AKAP8: variants seen among roughly 807,000 people sequenced by gnomAD.
The protein encoded by AKAP8 is A-kinase anchoring protein 8, also known as A-kinase anchor protein 8.
A neutral mutation model predicts 67.5 loss-of-function variants in AKAP8; 24 were observed. That is an observed-to-expected ratio of 0.36 (90% CI 0.26 to 0.50). The LOEUF is 0.50. Ranked by LOEUF, AKAP8 falls within the 20% of genes least tolerant of loss-of-function variation. The pLI is 0.97. For synonymous variants in AKAP8, 400 were observed against 371.1 expected (o/e 1.08, Z -0.90); for missense variants, 971 against 955.9 (o/e 1.02, Z -0.21).
At chr19:15,376,076 C>A (rs534920661) in intron 2 of AKAP8, among the ~76,000 whole-genome samples, 2 of 152,064 alleles carry the variant, frequency 1.3e-5, no homozygotes, top group African/African-American at 4.8e-5. Context: ...ACTACAGGCA[C>A]GCACTGCCAC....
intron 9 of AKAP8, 78 bp from the exon 10 acceptor site, chr19:15,362,329 G>A (rs1045320270): frequency 1.2e-5 from 19 of 1,523,426 alleles, no homozygotes; most frequent in Admixed American, 7.2e-5. Context: ...TCACCTCTGA[G>A]GAGAGCTGAA....
chr19:15,357,391 T>C (rs945167474), intron 13 of AKAP8, among the ~76,000 whole-genome samples: 9 of 115,132 alleles, frequency 7.8e-5, no homozygotes, highest in African/African-American at 3.1e-4. Context: ...ATCGCACCAC[T>C]GCACTCCAGC....
Position 15,374,069 on chromosome 19 carries a change from TCA to T in AKAP8, c.92-6_92-5del. Reference sequence around the variant, plus strand: ...TAGTAATTGTAGTTTTCATAACCTGTCACAGGGGGAGGAGCCAAGTCAGACTT... The same window carrying T: ...TAGTAATTGTAGTTTTCATAACCTGTCAGGGGGAGGAGCCAAGTCAGACTT... On this transcript the variant is annotated splice_region_variant and splice_polypyrimidine_tract_variant and intron_variant, in intron 3 of 13. Transcript: ENST00000269701. 2 of 1,542,710 alleles carry T rather than the reference TCA, an allele frequency of 1.3e-6. No homozygotes were observed. The highest frequency in any genetic ancestry group is 1.7e-6 in the Non-Finnish European group (2 of 1,147,096).
At position 15,361,720 on chromosome 19, in the gene AKAP8, ACAACTCAC is replaced by A; in HGVS notation, c.1396+1_1396+8del. 6.2e-7 allele frequency: 1 copy of A among 1,607,114 alleles called. No homozygotes were observed. The highest frequency in any genetic ancestry group is 8.5e-7 in the Non-Finnish European group (1 of 1,173,588). On this transcript the variant is annotated splice_donor_variant and splice_donor_5th_base_variant and intron_variant, in intron 11 of 13. Coordinates refer to ENST00000269701, the MANE Select transcript of AKAP8 (RefSeq NM_005858.4). LOFTEE classifies it high-confidence loss of function. ...CCAGGAAAGCACTCATCCTGGGATG[ACAACTCAC>A]CTTTGAAAGGATCTGGTTTTGGTTT...
At chr19:15,371,101 G>C (rs1967149503) in intron 7 of AKAP8, among the ~76,000 whole-genome samples, 1 of 152,174 alleles carries the variant, frequency 6.6e-6, no homozygotes, top group African/African-American at 2.4e-5. Context: ...GTGAGACTCT[G>C]AAAACCTGAA....
At chr19:15,371,311 T>C (rs1410034743) in intron 7 of AKAP8, among the ~76,000 whole-genome samples, 5 of 151,960 alleles carry the variant, frequency 3.3e-5, no homozygotes, top group East Asian at 1.9e-4. Flanking sequence ...TGTGCCTTGT[T>C]GTGAGGATGG....
At chr19:15,379,489 C>G in intron 1 of AKAP8, 2 of 491,198 alleles carry the variant, frequency 4.1e-6, no homozygotes, top group South Asian at 6.9e-5. Context: ...CCGAGTCCCG[C>G]CCGCCTCCTC....
At chr19:15,368,658 G>A (rs995028739) in intron 8 of AKAP8, 1 of 985,148 alleles carries the variant, frequency 1.0e-6, no homozygotes, top group Non-Finnish European at 1.2e-6. Context: ...CTGCGATGGG[G>A]TCTTCTCCCA....
chr19:15,374,172 G>A (rs1342725122), intron 3 of AKAP8, 107 bp from the exon 4 acceptor site: 2 of 1,285,906 alleles, frequency 1.6e-6, no homozygotes, highest in East Asian at 2.4e-5. Context: ...GAAAACGGGT[G>A]TGGGACCCAG....
intron 2 of AKAP8, among the ~76,000 whole-genome samples, chr19:15,376,298 T>G (rs961983804): frequency 6.6e-6 from 1 of 152,094 alleles, no homozygotes; most frequent in African/African-American, 2.4e-5. Flanking sequence ...GGATTGATTA[T>G]GAGGTCAGGA....
At chr19:15,371,268 C>T (rs1000464943) in intron 7 of AKAP8, among the ~76,000 whole-genome samples, 7 of 152,024 alleles carry the variant, frequency 4.6e-5, no homozygotes, top group African/African-American at 1.7e-4. Flanking sequence ...TGGGGTGGTC[C>T]CGGCTATGAA....
chr19:15,369,019 A>C lies in AKAP8; in HGVS notation c.1073-697T>G, dbSNP rs762103964. 35 of 985,752 alleles carry C rather than the reference A, an allele frequency of 3.6e-5. No homozygotes were observed. The Admixed American group carries it at 4.3e-4, about 12-fold the overall frequency. The allele number at this position is 985,752 out of a possible 1,614,324, so 61.1% of individuals were successfully genotyped here. On this transcript the variant is annotated intron_variant, in intron 8 of 13. Transcript: ENST00000269701. This position sits in a 1 kb window ranked among gnomAD's most constrained non-coding sequence, Gnocchi z 4.6. ...CCATCATCCCAGCATGAGGCCAGGGACGGACGCTGAAAAAAGGTTGGAGAA... is the reference window on the plus strand; with the variant it reads ...CCATCATCCCAGCATGAGGCCAGGGCCGGACGCTGAAAAAAGGTTGGAGAA...
chr19:15,373,244 G>T lies in AKAP8; in HGVS notation c.468C>A (p.Phe156Leu), dbSNP rs773627639. ...YRPSYSYDYE[F>L]DLGSDRNGSF... ...TGCCATTGCGGTCGGACCCCAGGTC[G>T]AACTCATAGTCGTAGCTGTAGCTGG... Residue 156 changes from phenylalanine (F) to leucine (L), a missense_variant, in exon 5 of 14, where the codon TTC becomes TTA. Transcript: ENST00000269701. 13 of 1,613,892 alleles carry T rather than the reference G, an allele frequency of 8.1e-6. No homozygotes were observed. The Admixed American group carries it at 1.5e-4, about 19-fold the overall frequency.
intron 9 of AKAP8, among the ~76,000 whole-genome samples, chr19:15,367,258 A>ATG (rs1967085973): frequency 6.6e-6 from 1 of 152,094 alleles, no homozygotes; most frequent in Non-Finnish European, 1.5e-5. Context: ...GACTGGGCGC[A>ATG]GTGGCTCACG....
chr19:15,368,392 G>GT, intron 8 of AKAP8, 70 bp from the exon 9 acceptor site: 1 of 1,605,828 alleles, frequency 6.2e-7, no homozygotes, highest in Non-Finnish European at 8.5e-7. Flanking sequence ...GGGCCTGGTC[G>GT]GGGGGCTGCA....
chr19:15,360,719 C>T (rs1462630935), intron 12 of AKAP8, 129 bp downstream of exon 12: 16 of 1,190,736 alleles, frequency 1.3e-5, no homozygotes, highest in Admixed American at 3.1e-5. Context: ...TACGACCCAT[C>T]GATGGAAGTG....
chr19:15,375,761 G>A (rs1016246166), intron 2 of AKAP8, among the ~76,000 whole-genome samples: 12 of 151,054 alleles, frequency 7.9e-5, no homozygotes, highest in Admixed American at 1.3e-4. Context: ...CTCAGCCTCC[G>A]GAGTAGCTGG....
At chr19:15,374,727 A>T in intron 2 of AKAP8, 92 bp from the exon 3 acceptor site, 1 of 1,470,584 alleles carries the variant, frequency 6.8e-7, no homozygotes, top group Non-Finnish European at 9.4e-7. Flanking sequence ...CCACAGCCCC[A>T]GGGCCAGGGC....
intron 2 of AKAP8, among the ~76,000 whole-genome samples, chr19:15,376,224 A>G (rs1034073173): frequency 2.6e-5 from 4 of 152,128 alleles, no homozygotes; most frequent in African/African-American, 9.7e-5. Context: ...CCAGCTAATG[A>G]AAGATCTTAC....
Sources: allele counts gnomAD v4.1 joint callset (sites outside exome capture counted in the v4.1 genomes callset), GRCh38; gene constraint gnomAD v4.1.1; non-coding constraint Gnocchi (gnomAD v3.1); transcripts MANE v1.5; gene names NCBI Gene and HGNC (gene_info 2026-07-23, HGNC 2026-07-21).